RBMS2: variants seen among roughly 807,000 people sequenced by gnomAD.
RBMS2 encodes RNA binding motif single stranded interacting protein 2.
A neutral mutation model predicts 58.4 loss-of-function variants in RBMS2; 38 were observed. The ratio of observed to expected loss-of-function variants is 0.65; its 90% confidence interval spans 0.50 to 0.85. The LOEUF (loss-of-function observed/expected upper bound fraction) is 0.85. Among genes scored for constraint, RBMS2 ranks in the 40% least tolerant of loss-of-function variants. The probability of loss-of-function intolerance (pLI) is 0.00; values close to 1 mark genes in which losing one functional copy is unlikely to be tolerated. For missense variants in RBMS2, 367 were observed against 503.7 expected, an observed-to-expected ratio of 0.73 and a Z score of 2.60; for synonymous variants, 151 against 180.7, an observed-to-expected ratio of 0.84 and a Z score of 1.32.
intron 1 of RBMS2, among the ~76,000 whole-genome samples, chr12:56,530,253 G>A (rs11171883): frequency 0.45 from 68,001 of 150,432 alleles, 16,133 homozygotes; most frequent in East Asian, 0.6. Flanking sequence ...TGTGAATTAT[G>A]TCTCAGTAGA....
intron 2 of RBMS2, among the ~76,000 whole-genome samples, chr12:56,566,804 G>A (rs889464547): frequency 5.9e-5 from 9 of 152,108 alleles, no homozygotes; most frequent in African/African-American, 2.2e-4. Context: ...GGCAACAAGA[G>A]TGAAACTCTG....
chr12:56,531,870 G>A (rs928096774), intron 1 of RBMS2, among the ~76,000 whole-genome samples: 8 of 151,500 alleles, frequency 5.3e-5, no homozygotes, highest in African/African-American at 1.9e-4. Flanking sequence ...TTGAGGATTG[G>A]TAATGTTTAT....
At chr12:56,575,021 G>A (rs1229536848) in intron 5 of RBMS2, among the ~76,000 whole-genome samples, 2 of 151,946 alleles carry the variant, frequency 1.3e-5, no homozygotes, top group Admixed American at 6.6e-5. Context: ...GGTGGCGGGC[G>A]CCTGTAGTCC....
At chr12:56,538,817 G>C (rs1302478967) in intron 1 of RBMS2, among the ~76,000 whole-genome samples, 7 of 152,068 alleles carry the variant, frequency 4.6e-5, no homozygotes, top group Non-Finnish European at 8.8e-5. Context: ...CAATCCATGA[G>C]CATGGAGTGT....
chr12:56,522,148 C>A, intron 1 of RBMS2, 59 bp downstream of exon 1: 1 of 1,372,264 alleles, frequency 7.3e-7, no homozygotes, highest in Non-Finnish European at 1.0e-6. Context: ...TCTTGCAATG[C>A]CCTTGGTTTT....
rs933896273 is a variant in RBMS2, at chr12:56,595,507, C to T, written c.*6374C>T. The stretch of plus-strand genomic sequence containing the variant: ...CTAAAACTTACACTCCTTTTCTACC[C>T]CTGGTCTTTTCCTTGTCCTTCCCTA... On this transcript the variant is annotated 3_prime_UTR_variant, in exon 14 of 14. Transcript: ENST00000262031. 2 of 152,138 alleles carry T rather than the reference C, an allele frequency of 1.3e-5. No individual in the cohort carries two copies. The highest frequency in any genetic ancestry group is 2.9e-5 in the Non-Finnish European group (2 of 68,018). The allele number at this position is 152,138 out of a possible 1,614,324, so 9.4% of individuals were successfully genotyped here.
intron 1 of RBMS2, among the ~76,000 whole-genome samples, chr12:56,527,294 T>C (rs553696323): frequency 1.9e-4 from 29 of 152,274 alleles, no homozygotes; most frequent in African/African-American, 6.7e-4. Context: ...CTGTTATCAG[T>C]AATAAGTTAA....
intron 1 of RBMS2, among the ~76,000 whole-genome samples, chr12:56,523,236 A>G (rs1872064954): frequency 6.6e-6 from 1 of 152,186 alleles, no homozygotes; most frequent in South Asian, 2.1e-4. Context: ...GAGGATACAA[A>G]GTAGTAGATA....
intron 1 of RBMS2, chr12:56,539,666 G>A (rs933019203): frequency 2.2e-6 from 1 of 451,386 alleles, no homozygotes; most frequent in Non-Finnish European, 4.4e-6. Context: ...ACCAGTTACT[G>A]TTCTTTTATT....
At chr12:56,564,960 C>T (rs757708168) in intron 2 of RBMS2, among the ~76,000 whole-genome samples, 17 of 151,982 alleles carry the variant, frequency 1.1e-4, no homozygotes, top group African/African-American at 3.1e-4. Context: ...TGTAGTGAGC[C>T]GAGATCACGC....
At chr12:56,579,232 C>CT (rs1883563571) in intron 5 of RBMS2, among the ~76,000 whole-genome samples, 1 of 152,166 alleles carries the variant, frequency 6.6e-6, no homozygotes, top group Non-Finnish European at 1.5e-5. Flanking sequence ...CCTGCTTACC[C>CT]TTTGGAAAGA....
At chr12:56,545,894 T>C (rs1877073060) in intron 1 of RBMS2, among the ~76,000 whole-genome samples, 1 of 152,022 alleles carries the variant, frequency 6.6e-6, no homozygotes, top group Non-Finnish European at 1.5e-5. Context: ...GTGAAATTTG[T>C]GTACAGGTTT....
chr12:56,580,702 C>A (rs1883826765), intron 5 of RBMS2, among the ~76,000 whole-genome samples: 1 of 152,178 alleles, frequency 6.6e-6, no homozygotes, highest in Non-Finnish European at 1.5e-5. Context: ...TTTCTTATTG[C>A]TTTTTCCTTC....
At chr12:56,563,257 C>G (rs1451059631) in intron 2 of RBMS2, among the ~76,000 whole-genome samples, 2 of 152,196 alleles carry the variant, frequency 1.3e-5, no homozygotes, top group African/African-American at 4.8e-5. Context: ...GCACCTCCCC[C>G]AACCTGATGG....
intron 1 of RBMS2, among the ~76,000 whole-genome samples, chr12:56,530,059 A>G (rs1873415230): frequency 6.6e-6 from 1 of 152,072 alleles, no homozygotes; most frequent in South Asian, 2.1e-4. Context: ...ACAGCGCCAC[A>G]TGCCCAGCTA....
intron 1 of RBMS2, among the ~76,000 whole-genome samples, chr12:56,524,449 G>A (rs774215): frequency 0.13 from 19,054 of 150,132 alleles, 1,431 homozygotes; most frequent in Middle Eastern, 0.18. Context: ...ATGGAGTCTC[G>A]CTCTGTCACC....
At position 56,595,387 on chromosome 12, in the gene RBMS2, A is replaced by T; in HGVS notation, c.*6254A>T. 1 of 152,094 alleles carries T rather than the reference A, an allele frequency of 6.6e-6. No individual in the cohort carries two copies. Among genetic ancestry groups the T allele is most frequent in the South Asian group, 2.1e-4 (1 of 4,822 alleles). The allele number at this position is 152,094 out of a possible 1,614,324, so 9.4% of individuals were successfully genotyped here. A position where few individuals can be genotyped will look rare whatever the true frequency, so the allele number is the denominator to read the frequency against. ...AACACCTCTTTGCATGTGGACAGAA[A>T]ATGTTTATACTTAAACAGACATATT... is the stretch of plus-strand genomic sequence containing the variant. On this transcript the variant is annotated 3_prime_UTR_variant, in exon 14 of 14. Transcript: ENST00000262031.
intron 1 of RBMS2, among the ~76,000 whole-genome samples, chr12:56,540,384 T>C (rs1425497441): frequency 6.6e-6 from 1 of 152,150 alleles, no homozygotes; most frequent in Non-Finnish European, 1.5e-5. Flanking sequence ...TATTTATTTA[T>C]TTATTGCAAA....
At chr12:56,530,571 G>C (rs1873550942) in intron 1 of RBMS2, among the ~76,000 whole-genome samples, 1 of 151,350 alleles carries the variant, frequency 6.6e-6, no homozygotes, top group Non-Finnish European at 1.5e-5. Context: ...TATTGCCCTG[G>C]CTGGTCTCAA....
Sources: allele counts gnomAD v4.1 joint callset (sites outside exome capture counted in the v4.1 genomes callset), GRCh38; gene constraint gnomAD v4.1.1; transcripts MANE v1.5; gene names NCBI Gene and HGNC (gene_info 2026-07-23, HGNC 2026-07-21).